CASZ1: variants seen among roughly 807,000 people sequenced by gnomAD.
CASZ1 encodes the protein castor zinc finger 1.
CASZ1 carries 28 observed loss-of-function variants against 135.2 expected under a neutral mutation model. That is an observed-to-expected ratio of 0.21 (90% CI 0.15 to 0.28). The LOEUF (loss-of-function observed/expected upper bound fraction) is 0.28. Ranked by LOEUF, CASZ1 falls within the 10% of genes least tolerant of loss-of-function variation. CASZ1 has a pLI of 1.00. For missense variants in CASZ1, 2,161 were observed against 2,453.3 expected (o/e 0.88, Z 2.52); for synonymous variants, 1,068 against 1,073.4 (o/e 0.99, Z 0.10).
At position 10,676,484 on chromosome 1, in the gene CASZ1, A is replaced by G. The variant is rs1014356119; in HGVS notation, c.17-10913T>C. 4.6e-5 allele frequency among the ~76,000 whole-genome samples: 7 copies of G among 152,114 alleles called. No homozygotes were observed. Among genetic ancestry groups the G allele is most frequent in the African/African-American group, 1.7e-4 (7 of 41,422 alleles). ...TCCCACCAGGACAAAGAAGACACCAAGAGCCCCCGGGGAGGCCTCTCCACC... is the reference window on the plus strand; with the variant it reads ...TCCCACCAGGACAAAGAAGACACCAGGAGCCCCCGGGGAGGCCTCTCCACC... On this transcript the variant is annotated intron_variant, in intron 4 of 20. Coordinates refer to ENST00000377022, the MANE Select transcript of CASZ1 (RefSeq NM_001079843.3). This position sits in a 1 kb window ranked among gnomAD's most constrained non-coding sequence, Gnocchi z 4.5.
chr1:10,668,609 G>A (rs1156863003), intron 4 of CASZ1, among the ~76,000 whole-genome samples: 1 of 152,236 alleles, frequency 6.6e-6, no homozygotes, highest in Non-Finnish European at 1.5e-5. Context: ...TGCTGGTGGC[G>A]GTGCTCTTGG....
chr1:10,753,453 T>G (rs1640185631), intron 2 of CASZ1, among the ~76,000 whole-genome samples: 1 of 152,198 alleles, frequency 6.6e-6, no homozygotes. Flanking sequence ...CACCTCCATG[T>G]CCCCAAGGAG....
rs908101551 is a variant in CASZ1, at chr1:10,709,748, A to C, written c.-76-4204T>G. Reference sequence around the variant, plus strand: ...TGAGCAGTGCCCCGGGCAGTGCCGCAGGGGGATGCGCACCAGGGGGATCCC... The same window carrying C: ...TGAGCAGTGCCCCGGGCAGTGCCGCCGGGGGATGCGCACCAGGGGGATCCC... On this transcript the variant is annotated intron_variant, in intron 2 of 20. Coordinates refer to ENST00000377022, the MANE Select transcript of CASZ1 (RefSeq NM_001079843.3). The surrounding 1 kb of genome is among the most constrained non-coding windows in gnomAD (Gnocchi z 5.1). Among the ~76,000 whole-genome samples the C allele has an allele frequency of 3.3e-5, 5 of 152,194 alleles. No individual in the cohort carries two copies. The highest frequency in any genetic ancestry group is 5.9e-5 in the Non-Finnish European group (4 of 68,046).
intron 2 of CASZ1, among the ~76,000 whole-genome samples, chr1:10,714,361 A>G (rs560253005): frequency 6.6e-6 from 1 of 152,206 alleles, no homozygotes; most frequent in African/African-American, 2.4e-5. Flanking sequence ...AAAGAAAGAA[A>G]GAAACTTAAG....
At chr1:10,704,577 G>A (rs376790074) in intron 3 of CASZ1, 28 of 152,378 alleles carry the variant, frequency 1.8e-4, no homozygotes, top group African/African-American at 6.0e-4. Context: ...GGGGAAGGGG[G>A]CCGGTAGGAC....
intron 2 of CASZ1, among the ~76,000 whole-genome samples, chr1:10,760,500 G>A (rs750579237): frequency 6.6e-6 from 1 of 152,214 alleles, no homozygotes; most frequent in Non-Finnish European, 1.5e-5. Context: ...AAATGCAGGT[G>A]CCCTGCTCCC....
intron 1 of CASZ1, among the ~76,000 whole-genome samples, chr1:10,773,589 T>G (rs1486818084): frequency 2.6e-5 from 4 of 151,978 alleles, no homozygotes; most frequent in Non-Finnish European, 4.4e-5. Context: ...GGTCAAAGTC[T>G]TGGGGGCAGA....
rs115613734 is a variant in CASZ1, at chr1:10,653,133, G to A, written c.2680+244C>T. 3.5e-3 allele frequency: 2,056 copies of A among 590,068 alleles called. 35 individuals carry two copies. The highest frequency in any genetic ancestry group is 0.034 in the African/African-American group (1,815 of 53,888). 36.6% of individuals were successfully genotyped at this position (590,068 alleles called of 1,614,324 possible). On this transcript the variant is annotated intron_variant, in intron 11 of 20. Coordinates refer to ENST00000377022, the MANE Select transcript of CASZ1 (RefSeq NM_001079843.3). ...GGCAGCCGAGGAGGCAGGGACCATCGCCCCCAGCTCACAGATGGGGAAACA... is the reference window on the plus strand; with the variant it reads ...GGCAGCCGAGGAGGCAGGGACCATCACCCCCAGCTCACAGATGGGGAAACA...
rs758837163 is a variant in CASZ1, at chr1:10,759,269, G to T, written c.-77+1432C>A. 2.0e-5 allele frequency among the ~76,000 whole-genome samples: 3 copies of T among 152,260 alleles called. No homozygotes were observed. In the South Asian group the frequency reaches 6.2e-4, roughly 32 times the overall value. ...ATTCATGATCATCAGAGGAAGCAGA[G>T]TCTGTTAAGAATAGCCCGGGAAGGT... On this transcript the variant is annotated intron_variant, in intron 2 of 20. Transcript: ENST00000377022. The surrounding 1 kb of genome is among the most constrained non-coding windows in gnomAD (Gnocchi z 4.2).
intron 1 of CASZ1, among the ~76,000 whole-genome samples, chr1:10,791,099 T>C (rs564864433): frequency 4.2e-4 from 59 of 140,804 alleles, no homozygotes; most frequent in Middle Eastern, 3.5e-3. Context: ...AAAAAAAAAG[T>C]TGAAAAATCC....
At chr1:10,653,201 C>A in intron 11 of CASZ1, 176 bp downstream of exon 11, 2 of 716,828 alleles carry the variant, frequency 2.8e-6, no homozygotes. Context: ...ACCAGGGGCC[C>A]CACATAGAAA....
Position 10,709,104 on chromosome 1 carries a change from G to C in CASZ1, c.-76-3560C>G, listed in dbSNP as rs979972598. On this transcript the variant is annotated intron_variant, in intron 2 of 20. Coordinates refer to ENST00000377022, the MANE Select transcript of CASZ1 (RefSeq NM_001079843.3). The surrounding 1 kb of genome is among the most constrained non-coding windows in gnomAD (Gnocchi z 5.1). ...CCTCCTCCATCTGCAGTTCCCTCTT[G>C]CTGGAGCCGCTGCTGGTCCAGGACT... 2.6e-5 allele frequency among the ~76,000 whole-genome samples: 4 copies of C among 152,124 alleles called. No homozygotes were observed. The highest frequency in any genetic ancestry group is 5.9e-5 in the Non-Finnish European group (4 of 68,008).
intron 1 of CASZ1, among the ~76,000 whole-genome samples, chr1:10,772,787 C>T (rs549063668): frequency 5.3e-5 from 8 of 152,336 alleles, no homozygotes; most frequent in Non-Finnish European, 8.8e-5. Context: ...CAGAACCCCA[C>T]GCTGGCCACT....
chr1:10,640,151 G>A, intron 20 of CASZ1, 92 bp from the exon 21 acceptor site: 1 of 1,499,854 alleles, frequency 6.7e-7, no homozygotes, highest in East Asian at 2.3e-5. Context: ...GATCTGGCAT[G>A]GCGCCAGAGG....
chr1:10,792,231 T>C (rs1477228508), intron 1 of CASZ1, among the ~76,000 whole-genome samples: 3 of 148,524 alleles, frequency 2.0e-5, no homozygotes, highest in Admixed American at 6.7e-5. Flanking sequence ...TTTTTTTTTT[T>C]TTAAGTGTGC....
At chr1:10,746,679 C>T (rs1429533865) in intron 2 of CASZ1, among the ~76,000 whole-genome samples, 2 of 152,244 alleles carry the variant, frequency 1.3e-5, no homozygotes, top group African/African-American at 2.4e-5. Context: ...CTCCTAGAGC[C>T]GTCCTAGACC....
rs141751069 is a variant in CASZ1 at position 10,645,305 on chromosome 1, C to T, written c.3697-217G>A. Reference sequence around the variant, plus strand: ...CAGCGCTTTGGGAGGCCGAGGTGGGCGGATCACGAGATCAGGAGATCAAGA... The same window carrying T: ...CAGCGCTTTGGGAGGCCGAGGTGGGTGGATCACGAGATCAGGAGATCAAGA... On this transcript the variant is annotated intron_variant, in intron 17 of 20. Transcript: ENST00000377022. Among the ~76,000 whole-genome samples the T allele has an allele frequency of 6.0e-3, 914 of 152,246 alleles. 11 individuals are homozygous for T. The highest frequency in any genetic ancestry group is 0.019 in the African/African-American group (803 of 41,540).
rs968455988 is a variant in CASZ1, at chr1:10,666,120, G to A, written c.17-549C>T. Among the ~76,000 whole-genome samples the A allele has an allele frequency of 7.2e-5, 11 of 152,184 alleles. No individual in the cohort carries two copies. Among genetic ancestry groups the A allele is most frequent in the Admixed American group, 3.9e-4 (6 of 15,286 alleles). The stretch of plus-strand genomic sequence containing the variant: ...TGCCAGCCTCTTGCCTCACTGTCCC[G>A]GCAGCACTTGGCTGGCACCCTCCCA... On this transcript the variant is annotated intron_variant, in intron 4 of 20. Transcript: ENST00000377022. The surrounding 1 kb of genome is among the most constrained non-coding windows in gnomAD (Gnocchi z 5.2).
rs1640674812 is a variant in CASZ1 at position 10,777,054 on chromosome 1, T to C, written c.-233-16197A>G. Among the ~76,000 whole-genome samples the C allele has an allele frequency of 6.6e-6, 1 of 152,176 alleles. No homozygotes were observed. Among genetic ancestry groups the C allele is most frequent in the Admixed American group, 6.5e-5 (1 of 15,282 alleles). ...CCGTGTTTCCAAATGGCTCAAATACTGGGTCCTAGTTCCAGATCTGTCACT... is the reference window on the plus strand; with the variant it reads ...CCGTGTTTCCAAATGGCTCAAATACCGGGTCCTAGTTCCAGATCTGTCACT... On this transcript the variant is annotated intron_variant, in intron 1 of 20. Coordinates refer to ENST00000377022, the MANE Select transcript of CASZ1 (RefSeq NM_001079843.3). The surrounding 1 kb of genome is among the most constrained non-coding windows in gnomAD (Gnocchi z 4.4).
Sources: gnomAD v4.1 joint callset for allele counts (sites outside exome capture counted in the v4.1 genomes callset) on GRCh38, gnomAD v4.1.1 for gene constraint, Gnocchi (gnomAD v3.1) non-coding constraint, MANE v1.5 for transcripts, NCBI Gene and HGNC (gene_info 2026-07-23, HGNC 2026-07-21) for gene names.